STRN: variants seen among roughly 807,000 people sequenced by gnomAD.
STRN encodes protein phosphatase 2 regulatory subunit B'''alpha.
In STRN, 53 loss-of-function variants were observed where a neutral mutation model predicts 96.3. The observed-to-expected ratio is 0.55, with a 90% CI of 0.44 to 0.69. The LOEUF (loss-of-function observed/expected upper bound fraction) is 0.69. STRN is among the 30% of genes least tolerant of loss of function. The probability of loss-of-function intolerance (pLI) is 0.00; values close to 1 mark genes in which losing one functional copy is unlikely to be tolerated. For missense variants in STRN, 987 were observed against 963.9 expected (o/e 1.02, Z -0.32); for synonymous variants, 428 against 355.9 (o/e 1.20, Z -2.28).
chr2:36,966,483 G>A lies in STRN; in HGVS notation c.-20C>T. The A allele has an allele frequency of 7.1e-7, 1 of 1,416,150 alleles. No individual in the cohort carries two copies. The highest frequency in any genetic ancestry group is 9.2e-7 in the Non-Finnish European group (1 of 1,089,170). 87.7% of individuals were successfully genotyped at this position (1,416,150 alleles called of 1,614,324 possible). ...GTCCATGGCGGCCGCAGATACCCGG[G>A]GAGCTGCCCCGGCGCCCAGCAGCGG... On this transcript the variant is annotated 5_prime_UTR_variant, in exon 1 of 18. Transcript: ENST00000263918.
At chr2:36,935,459 T>C (rs893623551) in intron 1 of STRN, among the ~76,000 whole-genome samples, 20 of 152,156 alleles carry the variant, frequency 1.3e-4, no homozygotes, top group Admixed American at 5.9e-4. Flanking sequence ...CTATAATTAA[T>C]CTCATTTAAT....
In STRN at chr2:36,861,193, A is replaced by G. The variant is rs769115588; in HGVS notation, c.1608T>C (p.Thr536=). 6.2e-7 allele frequency: 1 copy of G among 1,614,124 alleles called. No homozygotes were observed. Among genetic ancestry groups the G allele is most frequent in the South Asian group, 1.1e-5 (1 of 91,084 alleles). Residue 536 remains threonine, a synonymous_variant, in exon 13 of 18, where the codon ACT becomes ACC. Transcript: ENST00000263918. ...SNGEQCYSGG[T]DGLIQGWNTT... ...TATTCCAGCCCTGGATCAGTCCATC[A>G]GTACCACCACTGTAACACTGCTCAC...
Position 36,841,487 on chromosome 2 carries a change from T to C in STRN, c.*7969A>G, listed in dbSNP as rs1224403621. Reference sequence around the variant, plus strand: ...TAAAAATCACACTGAGTGATATTATTCTATCAAGAGGATATTCTGAAATAC... The same window carrying C: ...TAAAAATCACACTGAGTGATATTATCCTATCAAGAGGATATTCTGAAATAC... On this transcript the variant is annotated 3_prime_UTR_variant, in exon 18 of 18. Coordinates refer to ENST00000263918, the MANE Select transcript of STRN (RefSeq NM_003162.4). 1 of 152,216 alleles carries C rather than the reference T, an allele frequency of 6.6e-6. No individual in the cohort carries two copies. Among genetic ancestry groups the C allele is most frequent in the Non-Finnish European group, 1.5e-5 (1 of 68,034 alleles). 9.4% of individuals were successfully genotyped at this position (152,216 alleles called of 1,614,324 possible). A position where few individuals can be genotyped will look rare whatever the true frequency, so the allele number is the denominator to read the frequency against.
Position 36,845,005 on chromosome 2 carries a change from T to C in STRN, c.*4451A>G, listed in dbSNP as rs1668033569. On this transcript the variant is annotated 3_prime_UTR_variant, in exon 18 of 18. Coordinates refer to ENST00000263918, the MANE Select transcript of STRN (RefSeq NM_003162.4). ...CTTAAAAGTACTGCAATTATATAAATTACTAAACAAGTTAACAGTAATGGA... is the reference window on the plus strand; with the variant it reads ...CTTAAAAGTACTGCAATTATATAAACTACTAAACAAGTTAACAGTAATGGA... The C allele has an allele frequency of 6.6e-6, 1 of 152,094 alleles. No individual in the cohort carries two copies. Among genetic ancestry groups the C allele is most frequent in the South Asian group, 2.1e-4 (1 of 4,830 alleles). 9.4% of individuals were successfully genotyped at this position (152,094 alleles called of 1,614,324 possible). A position where few individuals can be genotyped will look rare whatever the true frequency, so the allele number is the denominator to read the frequency against.
chr2:36,872,702 G>T (rs1668793356), intron 10 of STRN, among the ~76,000 whole-genome samples: 1 of 152,122 alleles, frequency 6.6e-6, no homozygotes, highest in East Asian at 1.9e-4. Context: ...CTGGAGAGAG[G>T]ACTAAGTTCC....
chr2:36,951,818 T>C (rs941336313), intron 1 of STRN, among the ~76,000 whole-genome samples: 2 of 152,188 alleles, frequency 1.3e-5, no homozygotes, highest in African/African-American at 2.4e-5. Context: ...CACTGACCGA[T>C]ATGGGTCCAT....
Position 36,848,099 on chromosome 2 carries a change from C to T in STRN, c.*1357G>A, listed in dbSNP as rs1180213205. 1 of 151,794 alleles carries T rather than the reference C, an allele frequency of 6.6e-6. No homozygotes were observed. Among genetic ancestry groups the T allele is most frequent in the Non-Finnish European group, 1.5e-5 (1 of 67,862 alleles). 9.4% of individuals were successfully genotyped at this position (151,794 alleles called of 1,614,324 possible). A position where few individuals can be genotyped will look rare whatever the true frequency, so the allele number is the denominator to read the frequency against. On this transcript the variant is annotated 3_prime_UTR_variant, in exon 18 of 18. Coordinates refer to ENST00000263918, the MANE Select transcript of STRN (RefSeq NM_003162.4). ...GGTCTTCAGAATCCCAAAAGGTGAACACATGTAGGTGGGTCACAGGTAAGT... is the reference window on the plus strand; with the variant it reads ...GGTCTTCAGAATCCCAAAAGGTGAATACATGTAGGTGGGTCACAGGTAAGT...
rs191322274 is a variant in STRN, at chr2:36,880,957, T to C, written c.1187-2930A>G. 1.2e-3 allele frequency among the ~76,000 whole-genome samples: 177 copies of C among 152,112 alleles called. 1 individual carries two copies. Among genetic ancestry groups the C allele is most frequent in the African/African-American group, 4.1e-3 (171 of 41,498 alleles). On this transcript the variant is annotated intron_variant, in intron 9 of 17. Transcript: ENST00000263918. ...CTCCAGGACTGATGAGGCAGAGCAA[T>C]AATAAGCATCACTGTTACCTGATTG... is the stretch of plus-strand genomic sequence containing the variant.
At chr2:36,930,729 C>CA (rs1439936837) in intron 1 of STRN, among the ~76,000 whole-genome samples, 1 of 151,898 alleles carries the variant, frequency 6.6e-6, no homozygotes, top group Admixed American at 6.6e-5. Flanking sequence ...TGTTAAGGAG[C>CA]AAGGAAAAGA....
chr2:36,877,769 C>G, intron 10 of STRN, 122 bp downstream of exon 10: 1 of 1,085,778 alleles, frequency 9.2e-7, no homozygotes, highest in Non-Finnish European at 1.3e-6. Flanking sequence ...CTCCTGACCT[C>G]AAGTGATCCG....
chr2:36,855,377 A>T, intron 14 of STRN, 25 bp from the exon 15 acceptor site: 1 of 1,608,348 alleles, frequency 6.2e-7, no homozygotes, highest in Non-Finnish European at 8.5e-7. Flanking sequence ...ATTGAAATAG[A>T]ATGGCAATTA....
At chr2:36,951,155 C>T (rs1664744516) in intron 1 of STRN, among the ~76,000 whole-genome samples, 1 of 152,222 alleles carries the variant, frequency 6.6e-6, no homozygotes, top group East Asian at 1.9e-4. Flanking sequence ...TGTTACAGGG[C>T]CCTACTGATA....
rs1372211095 is a variant in STRN, at chr2:36,843,893, T to G, written c.*5563A>C. On this transcript the variant is annotated 3_prime_UTR_variant, in exon 18 of 18. Transcript: ENST00000263918. ...AGCTTATCCATACCCTGAATTTACA[T>G]AAGAAACTTCTTGCACCACAAAAAT... is the stretch of plus-strand genomic sequence containing the variant. The G allele has an allele frequency of 6.6e-6, 1 of 151,654 alleles. No homozygotes were observed. The highest frequency in any genetic ancestry group is 1.5e-5 in the Non-Finnish European group (1 of 68,018). The allele number at this position is 151,654 out of a possible 1,614,324, so 9.4% of individuals were successfully genotyped here. A position where few individuals can be genotyped will look rare whatever the true frequency, so the allele number is the denominator to read the frequency against.
At chr2:36,893,762 TA>T in intron 7 of STRN, 135 bp downstream of exon 7, 1 of 1,019,724 alleles carries the variant, frequency 9.8e-7, no homozygotes, top group Non-Finnish European at 1.4e-6. Flanking sequence ...TCACCCTGGA[TA>T]AAGGGTGCTA....
At chr2:36,939,178 G>A (rs74480591) in intron 1 of STRN, among the ~76,000 whole-genome samples, 6,274 of 152,070 alleles carry the variant, frequency 0.041, 183 homozygotes, top group East Asian at 0.12. Context: ...TGATCCGCCC[G>A]CCTCGGCCTC....
intron 1 of STRN, among the ~76,000 whole-genome samples, chr2:36,937,499 T>TAAATAACTTGAGACCAGGA (rs1670734994): frequency 6.6e-6 from 1 of 151,818 alleles, no homozygotes; most frequent in Non-Finnish European, 1.5e-5. Context: ...TGAGAATCCA[T>TAAATAACTTGAGACCAGGA]GTCTACAAAA....
intron 4 of STRN, 36 bp downstream of exon 4, chr2:36,905,504 T>C: frequency 6.3e-7 from 1 of 1,578,382 alleles, no homozygotes; most frequent in South Asian, 1.1e-5. Flanking sequence ...GTTTCTTGTC[T>C]TCAGCCATTT....
chr2:36,966,475 A>G lies in STRN; in HGVS notation c.-12T>C, dbSNP rs1665168866. 2 of 1,437,076 alleles carry G rather than the reference A, an allele frequency of 1.4e-6. No individual in the cohort carries two copies. The highest frequency in any genetic ancestry group is 9.1e-7 in the Non-Finnish European group (1 of 1,098,040). 89.0% of individuals were successfully genotyped at this position (1,437,076 alleles called of 1,614,324 possible). ...GCCTGCTCGTCCATGGCGGCCGCAGATACCCGGGGAGCTGCCCCGGCGCCC... is the reference window on the plus strand; with the variant it reads ...GCCTGCTCGTCCATGGCGGCCGCAGGTACCCGGGGAGCTGCCCCGGCGCCC... On this transcript the variant is annotated 5_prime_UTR_variant, in exon 1 of 18. Transcript: ENST00000263918.
At chr2:36,900,652 A>T (rs1669657688) in intron 5 of STRN, among the ~76,000 whole-genome samples, 1 of 152,164 alleles carries the variant, frequency 6.6e-6, no homozygotes, top group Non-Finnish European at 1.5e-5. Flanking sequence ...GCACTTTGGG[A>T]GGCTGAGGCA....
Sources: allele counts gnomAD v4.1 joint callset (sites outside exome capture counted in the v4.1 genomes callset), GRCh38; gene constraint gnomAD v4.1.1; transcripts MANE v1.5; gene names NCBI Gene and HGNC (gene_info 2026-07-23, HGNC 2026-07-21).